Variants in ADGRB3 observed in about 807,000 individuals in gnomAD.
The protein encoded by ADGRB3 is adhesion G protein-coupled receptor B3, also known as brain-specific angiogenesis inhibitor 3.
A neutral mutation model predicts 193.4 loss-of-function variants in ADGRB3; 37 were observed. The ratio of observed to expected loss-of-function variants is 0.19; its 90% CI spans 0.15 to 0.25. ADGRB3 has a LOEUF of 0.25. Among genes scored for constraint, ADGRB3 ranks in the 10% least tolerant of loss-of-function variants. The probability of loss-of-function intolerance (pLI) is 1.00; values close to 1 mark genes in which losing one functional copy is unlikely to be tolerated. For missense variants in ADGRB3, 1,637 were observed against 1,852.9 expected (o/e 0.88, Z 2.14); for synonymous variants, 690 against 644.2 (o/e 1.07, Z -1.08).
At chr6:69,114,978 C>T (rs1401227862) in intron 17 of ADGRB3, among the ~76,000 whole-genome samples, 17 of 152,140 alleles carry the variant, frequency 1.1e-4, no homozygotes, top group Admixed American at 7.2e-4. Context: ...GAAATATGAA[C>T]GCTTTTACAC....
At chr6:68,820,017 T>C (rs148461331) in intron 3 of ADGRB3, among the ~76,000 whole-genome samples, 1,660 of 152,190 alleles carry the variant, frequency 0.011, 26 homozygotes, top group African/African-American at 0.038. Context: ...GTAGACTTAC[T>C]AAATATTCGT....
intron 17 of ADGRB3, among the ~76,000 whole-genome samples, chr6:69,116,606 T>TA (rs2150327829): frequency 6.6e-6 from 1 of 152,310 alleles, no homozygotes; most frequent in South Asian, 2.1e-4. Flanking sequence ...CTGATTGCAG[T>TA]AAAAACTGAA....
At chr6:68,814,046 A>G (rs1767575037) in intron 3 of ADGRB3, among the ~76,000 whole-genome samples, 1 of 152,294 alleles carries the variant, frequency 6.6e-6, no homozygotes, top group East Asian at 1.9e-4. Flanking sequence ...TAGCAGCATG[A>G]TTTATAATCC....
chr6:68,954,442 T>C (rs1768014970), intron 6 of ADGRB3, among the ~76,000 whole-genome samples: 1 of 152,116 alleles, frequency 6.6e-6, no homozygotes, highest in South Asian at 2.1e-4. Flanking sequence ...ATTCCAGTCA[T>C]CAGAAAACAG....
chr6:68,897,329 C>G (rs1003334756), intron 3 of ADGRB3, among the ~76,000 whole-genome samples: 1 of 150,192 alleles, frequency 6.7e-6, no homozygotes, highest in African/African-American at 2.5e-5. Flanking sequence ...CACTTGTATT[C>G]CAGCCTGGGC....
At chr6:68,936,445 G>A in intron 4 of ADGRB3, 74 bp from the exon 5 acceptor site, 1 of 1,392,210 alleles carries the variant, frequency 7.2e-7, no homozygotes, top group Non-Finnish European at 9.8e-7. Flanking sequence ...ATGTCATAAT[G>A]TCAGTTTGGT....
At chr6:69,238,578 A>G (rs1485690196) in intron 19 of ADGRB3, among the ~76,000 whole-genome samples, 1 of 152,072 alleles carries the variant, frequency 6.6e-6, no homozygotes, top group African/African-American at 2.4e-5. Context: ...TATAAAGAGT[A>G]GCAGCCTAAT....
Position 68,851,996 on chromosome 6 carries a change from A to C in ADGRB3, c.758-78563A>C, listed in dbSNP as rs9454633. Reference sequence around the variant, plus strand: ...TATTATATGAGAAAGACACAAAAAAAGTTTTAAATCTCTTTATATATTATT... The same window carrying C: ...TATTATATGAGAAAGACACAAAAAACGTTTTAAATCTCTTTATATATTATT... On this transcript the variant is annotated intron_variant, in intron 3 of 31. Transcript: ENST00000370598. Among the ~76,000 whole-genome samples the C allele has an allele frequency of 8.9e-3, 1,349 of 151,728 alleles. 34 individuals are homozygous for C. The highest frequency in any genetic ancestry group is 0.031 in the African/African-American group (1,289 of 41,552).
intron 13 of ADGRB3, among the ~76,000 whole-genome samples, chr6:69,018,890 G>A (rs535781797): frequency 1.1e-4 from 17 of 151,986 alleles, no homozygotes; most frequent in East Asian, 1.9e-4. Flanking sequence ...ATGATCTTCC[G>A]TACATTGTTC....
At chr6:68,698,472 G>A (rs770150670) in intron 3 of ADGRB3, among the ~76,000 whole-genome samples, 17 of 151,930 alleles carry the variant, frequency 1.1e-4, no homozygotes, top group East Asian at 3.9e-4. Flanking sequence ...AGGAAGGTTC[G>A]TGTATTAATT....
At chr6:68,654,245 A>C (rs1168964807) in intron 3 of ADGRB3, among the ~76,000 whole-genome samples, 2 of 151,958 alleles carry the variant, frequency 1.3e-5, no homozygotes, top group Non-Finnish European at 2.9e-5. Flanking sequence ...GGCTGTTGTA[A>C]ACTTTAAATA....
intron 3 of ADGRB3, among the ~76,000 whole-genome samples, chr6:68,678,321 G>A (rs1235202353): frequency 6.6e-6 from 1 of 152,108 alleles, no homozygotes; most frequent in Non-Finnish European, 1.5e-5. Flanking sequence ...AGTCTATACT[G>A]ACCACAGTGG....
chr6:69,000,409 G>A (rs748199297), intron 11 of ADGRB3, among the ~76,000 whole-genome samples: 2 of 152,164 alleles, frequency 1.3e-5, no homozygotes, highest in African/African-American at 2.4e-5. Flanking sequence ...CTTATTTAAT[G>A]TATGTTGTTG....
intron 31 of ADGRB3, among the ~76,000 whole-genome samples, chr6:69,388,071 G>T (rs2127244800): frequency 6.6e-6 from 1 of 150,874 alleles, no homozygotes; most frequent in African/African-American, 2.4e-5. Flanking sequence ...ACAATTACAA[G>T]TTTAAAAAAG....
At chr6:69,027,491 G>A (rs1438879435) in intron 13 of ADGRB3, among the ~76,000 whole-genome samples, 1 of 152,096 alleles carries the variant, frequency 6.6e-6, no homozygotes, top group African/African-American at 2.4e-5. Context: ...GTACAGTATA[G>A]TAAATACTAA....
intron 17 of ADGRB3, among the ~76,000 whole-genome samples, chr6:69,152,430 T>C (rs1459704573): frequency 6.6e-6 from 1 of 152,238 alleles, no homozygotes; most frequent in East Asian, 1.9e-4. Context: ...ATTATGTAAA[T>C]CTGTGTCTTT....
intron 3 of ADGRB3, among the ~76,000 whole-genome samples, chr6:68,868,397 C>A (rs1197484898): frequency 6.6e-6 from 1 of 152,176 alleles, no homozygotes; most frequent in Non-Finnish European, 1.5e-5. Context: ...AATTAAACCT[C>A]TTTTCTTTAT....
intron 17 of ADGRB3, among the ~76,000 whole-genome samples, chr6:69,142,229 C>T (rs1246154200): frequency 6.6e-6 from 1 of 151,896 alleles, no homozygotes; most frequent in Non-Finnish European, 1.5e-5. Flanking sequence ...GAGTACGTTC[C>T]ACAGGAAGAT....
intron 3 of ADGRB3, among the ~76,000 whole-genome samples, chr6:68,897,391 AAAG>A (rs922012397): frequency 3.1e-4 from 45 of 145,122 alleles, no homozygotes; most frequent in Non-Finnish European, 1.5e-4. Flanking sequence ...AGAAGGAAAG[AAAG>A]AAAGAGAGAG....
Sources: gnomAD v4.1 joint callset for allele counts (sites outside exome capture counted in the v4.1 genomes callset) on GRCh38, gnomAD v4.1.1 for gene constraint, MANE v1.5 for transcripts, NCBI Gene and HGNC (gene_info 2026-07-23, HGNC 2026-07-21) for gene names.